CYB5B: variants seen among roughly 807,000 people sequenced by gnomAD.
The protein encoded by CYB5B is cytochrome b5 type B (outer mitochondrial membrane).
CYB5B carries 14 observed loss-of-function variants against 21.3 expected under a neutral mutation model. The ratio of observed to expected loss-of-function variants is 0.66; its 90% CI spans 0.43 to 1.03. The LOEUF is 1.03. Ranked by LOEUF, CYB5B falls within the 50% of genes least tolerant of loss-of-function variation. The pLI is 0.00. For synonymous variants in CYB5B, 69 were observed against 68.4 expected, an observed-to-expected ratio of 1.01 and a Z score of -0.04; for missense variants, 166 against 185.1, an observed-to-expected ratio of 0.90 and a Z score of 0.60.
At chr16:69,441,376 G>A (rs1015343767) in intron 1 of CYB5B, among the ~76,000 whole-genome samples, 4 of 151,932 alleles carry the variant, frequency 2.6e-5, no homozygotes, top group South Asian at 2.1e-4. Flanking sequence ...GGATGGTCTC[G>A]GTCTCCTGAC....
At chr16:69,427,010 C>T (rs548014091) in intron 1 of CYB5B, among the ~76,000 whole-genome samples, 7 of 152,132 alleles carry the variant, frequency 4.6e-5, no homozygotes, top group Non-Finnish European at 1.0e-4. Flanking sequence ...GAGGCACAGG[C>T]GGGCAGATCA....
At chr16:69,428,990 A>T (rs2014676929) in intron 1 of CYB5B, among the ~76,000 whole-genome samples, 1 of 152,220 alleles carries the variant, frequency 6.6e-6, no homozygotes, top group African/African-American at 2.4e-5. Flanking sequence ...CACAGGTTTT[A>T]GGAAGGACTT....
At chr16:69,437,493 T>C (rs544149430) in intron 1 of CYB5B, among the ~76,000 whole-genome samples, 2 of 152,318 alleles carry the variant, frequency 1.3e-5, no homozygotes, top group South Asian at 4.1e-4. Flanking sequence ...CTACTGAGCA[T>C]AACCCCCCCA....
chr16:69,447,006 A>G (rs1248612807), intron 1 of CYB5B, 144 bp from the exon 2 acceptor site: 31 of 959,578 alleles, frequency 3.2e-5, no homozygotes, highest in Non-Finnish European at 4.3e-5. Context: ...TGTTCTTCCC[A>G]TTGCATCCTG....
At chr16:69,429,460 G>C (rs1315948541) in intron 1 of CYB5B, among the ~76,000 whole-genome samples, 1 of 152,102 alleles carries the variant, frequency 6.6e-6, no homozygotes, top group Non-Finnish European at 1.5e-5. Flanking sequence ...GCTGATTGGT[G>C]CATTTTTACA....
chr16:69,448,309 A>G, intron 3 of CYB5B, 165 bp downstream of exon 3: 1 of 730,430 alleles, frequency 1.4e-6, no homozygotes, highest in Non-Finnish European at 2.3e-6. Flanking sequence ...CTCAGGAATA[A>G]AAGAATAGCT....
intron 1 of CYB5B, among the ~76,000 whole-genome samples, chr16:69,431,875 C>CT (rs932301229): frequency 3.3e-5 from 5 of 152,080 alleles, no homozygotes; most frequent in Admixed American, 6.5e-5. Context: ...AATTATGGCA[C>CT]TTTTATGAAG....
intron 3 of CYB5B, among the ~76,000 whole-genome samples, chr16:69,456,720 A>G (rs1415596431): frequency 6.6e-5 from 10 of 152,244 alleles, no homozygotes. Flanking sequence ...CTTTTCACTT[A>G]AGCATCCATT....
intron 3 of CYB5B, among the ~76,000 whole-genome samples, chr16:69,457,112 G>C (rs1035359734): frequency 6.6e-6 from 1 of 152,132 alleles, no homozygotes; most frequent in African/African-American, 2.4e-5. Context: ...TTAGTTCAAA[G>C]AACACCATAT....
chr16:69,438,526 C>A (rs555813278), intron 1 of CYB5B, among the ~76,000 whole-genome samples: 1 of 132,850 alleles, frequency 7.5e-6, no homozygotes, highest in East Asian at 2.0e-4. Flanking sequence ...GTACAAAGAT[C>A]CCATTTTTCG....
At chr16:69,442,645 A>G (rs2014835974) in intron 1 of CYB5B, among the ~76,000 whole-genome samples, 1 of 151,662 alleles carries the variant, frequency 6.6e-6, no homozygotes, top group East Asian at 2.0e-4. Context: ...CTTCCTGAGT[A>G]GCCAGGACTA....
chr16:69,435,475 G>A (rs182106171), intron 1 of CYB5B, among the ~76,000 whole-genome samples: 139 of 152,204 alleles, frequency 9.1e-4, no homozygotes, highest in Non-Finnish European at 1.6e-3. Flanking sequence ...GGTATAGAGT[G>A]GCCTTGCCTG....
chr16:69,459,395 A>G (rs1403198310), intron 4 of CYB5B: 1 of 351,632 alleles, frequency 2.8e-6, no homozygotes, highest in Non-Finnish European at 5.1e-6. Flanking sequence ...AGAGGCCAGG[A>G]TGCATGGACA....
intron 1 of CYB5B, chr16:69,444,242 G>A (rs1467621573): frequency 6.5e-6 from 1 of 152,916 alleles, no homozygotes; most frequent in Non-Finnish European, 1.5e-5. Flanking sequence ...TGATAAACAT[G>A]GGCGGGACCA....
chr16:69,433,199 A>C (rs1393027545), intron 1 of CYB5B, among the ~76,000 whole-genome samples: 2 of 152,136 alleles, frequency 1.3e-5, no homozygotes, highest in Admixed American at 1.3e-4. Flanking sequence ...TCACATTTTA[A>C]ATATAATTTG....
chr16:69,464,936 C>CA lies in CYB5B; in HGVS notation c.*2421dup, dbSNP rs1260994235. On this transcript the variant is annotated 3_prime_UTR_variant, in exon 5 of 5. Transcript: ENST00000307892. ...CCATTTACTGTTATTTTGTTGCCTA[C>CA]AAAAACAGCCAGGTGAAAGCTAAAT... 1 of 152,602 alleles carries CA rather than the reference C, an allele frequency of 6.6e-6. No homozygotes were observed. The allele number at this position is 152,602 out of a possible 1,614,324, so 9.5% of individuals were successfully genotyped here.
chr16:69,458,378 T>C (rs2015002106), intron 3 of CYB5B, among the ~76,000 whole-genome samples: 1 of 152,188 alleles, frequency 6.6e-6, no homozygotes, highest in Admixed American at 6.5e-5. Context: ...GTTGTGAACA[T>C]TTTATGTAAA....
chr16:69,459,405 A>G, intron 4 of CYB5B: 1 of 327,016 alleles, frequency 3.1e-6, no homozygotes, highest in South Asian at 6.6e-5. Context: ...ATGCATGGAC[A>G]GGTAGCTACT....
In CYB5B at chr16:69,465,707, A is replaced by G. The variant is rs1314688732; in HGVS notation, c.*3187A>G. ...ATCTCAAGCGATATCTATCTGGTTA[A>G]ATTCCATTTTAGGAGATTGAGATGC... On this transcript the variant is annotated 3_prime_UTR_variant, in exon 5 of 5. Coordinates refer to ENST00000307892, the MANE Select transcript of CYB5B (RefSeq NM_030579.3). The G allele has an allele frequency of 1.3e-5, 2 of 152,210 alleles. No homozygotes were observed. The highest frequency in any genetic ancestry group is 2.9e-5 in the Non-Finnish European group (2 of 68,032). The allele number at this position is 152,210 out of a possible 1,614,324, so 9.4% of individuals were successfully genotyped here.
Sources: allele counts gnomAD v4.1 joint callset (sites outside exome capture counted in the v4.1 genomes callset), GRCh38; gene constraint gnomAD v4.1.1; transcripts MANE v1.5; gene names NCBI Gene and HGNC (gene_info 2026-07-23, HGNC 2026-07-21).